HDLBP: variants seen among roughly 807,000 people sequenced by gnomAD.
HDLBP encodes the protein high density lipoprotein binding protein.
HDLBP carries 30 observed loss-of-function variants against 137.3 expected under a neutral mutation model. That is an observed-to-expected ratio of 0.22 (90% CI 0.16 to 0.30). The LOEUF is 0.30. HDLBP is among the 10% of genes least tolerant of loss of function. The pLI, the probability that HDLBP is intolerant of heterozygous loss-of-function variation, is 1.00. For missense variants in HDLBP, 1,119 were observed against 1,667.3 expected (o/e 0.67, Z 5.73); for synonymous variants, 606 against 596.0 (o/e 1.02, Z -0.24).
chr2:241,284,350 A>C (rs2074727220), intron 1 of HDLBP, among the ~76,000 whole-genome samples: 1 of 152,222 alleles, frequency 6.6e-6, no homozygotes, highest in African/African-American at 2.4e-5. Flanking sequence ...AAGCAACTGC[A>C]AGTGTGGTAG....
chr2:241,307,081 G>C (rs377565200), intron 1 of HDLBP, among the ~76,000 whole-genome samples: 1 of 138,444 alleles, frequency 7.2e-6, no homozygotes, highest in South Asian at 2.6e-4. Flanking sequence ...TGGGGGGCGG[G>C]GGGGACAGGG....
chr2:241,247,918 C>T, intron 14 of HDLBP, 85 bp downstream of exon 14: 1 of 912,526 alleles, frequency 1.1e-6, no homozygotes, highest in Non-Finnish European at 1.8e-6. Context: ...AGCAGGGGTC[C>T]TGTGGGGGTC....
chr2:241,264,329 T>G (rs2073474160), intron 4 of HDLBP, 119 bp downstream of exon 4: 2 of 674,292 alleles, frequency 3.0e-6, no homozygotes, highest in South Asian at 4.2e-5. Flanking sequence ...ACCACTGCAC[T>G]CCAGCCTGGG....
chr2:241,237,158 C>T (rs1011228952), intron 20 of HDLBP, among the ~76,000 whole-genome samples: 9 of 152,346 alleles, frequency 5.9e-5, no homozygotes, highest in South Asian at 2.1e-4. Flanking sequence ...TGAGGCTTGA[C>T]TGTGAGGCAG....
intron 1 of HDLBP, among the ~76,000 whole-genome samples, chr2:241,277,519 A>C (rs2074432891): frequency 6.6e-6 from 1 of 152,220 alleles, no homozygotes; most frequent in Non-Finnish European, 1.5e-5. Flanking sequence ...ACTTTGAAAA[A>C]TCATGTAAGA....
At position 241,272,438 on chromosome 2, in the gene HDLBP, C is replaced by T; in HGVS notation, c.-102-3897G>A. The T allele has an allele frequency of 1.0e-5, 10 of 984,658 alleles. No individual in the cohort carries two copies. The highest frequency in any genetic ancestry group is 1.2e-5 in the Non-Finnish European group (10 of 829,674). The allele number at this position is 984,658 out of a possible 1,614,324, so 61.0% of individuals were successfully genotyped here. On this transcript the variant is annotated intron_variant, in intron 1 of 27. Transcript: ENST00000310931. This position sits in a 1 kb window ranked among gnomAD's most constrained non-coding sequence, Gnocchi z 5.6. ...GCCCCACCGAAGCCCCGGGAGGAGG[C>T]GGGGGAGCCCAGCTTGCAGCCAAGA...
At position 241,234,075 on chromosome 2, in the gene HDLBP, C is replaced by T. The variant is rs2149343821; in HGVS notation, c.3145-112G>A. 10 of 1,287,092 alleles carry T rather than the reference C, an allele frequency of 7.8e-6. No homozygotes were observed. The South Asian group carries it at 1.3e-4, about 17-fold the overall frequency. 79.7% of individuals were successfully genotyped at this position (1,287,092 alleles called of 1,614,324 possible). On this transcript the variant is annotated intron_variant, in intron 23 of 27. Coordinates refer to ENST00000310931, the MANE Select transcript of HDLBP (RefSeq NM_005336.6). Reference sequence around the variant, plus strand: ...CTGGAGATGCTGCAGTGTTCTGTAACCCGTGGTCCGGAATGGTCCGCCATC... The same window carrying T: ...CTGGAGATGCTGCAGTGTTCTGTAATCCGTGGTCCGGAATGGTCCGCCATC...
intron 5 of HDLBP, among the ~76,000 whole-genome samples, chr2:241,257,541 T>C (rs1354156259): frequency 6.6e-6 from 1 of 152,128 alleles, no homozygotes; most frequent in Non-Finnish European, 1.5e-5. Context: ...AAAAGATGTG[T>C]TTCTAATAGA....
intron 17 of HDLBP, among the ~76,000 whole-genome samples, chr2:241,242,175 A>T (rs2071303765): frequency 6.6e-6 from 1 of 152,218 alleles, no homozygotes; most frequent in South Asian, 2.1e-4. Context: ...ACTCAACTAT[A>T]CCTGAAGAAT....
intron 5 of HDLBP, among the ~76,000 whole-genome samples, chr2:241,262,179 G>C (rs1041487840): frequency 6.6e-6 from 1 of 152,238 alleles, no homozygotes; most frequent in Non-Finnish European, 1.5e-5. Flanking sequence ...TCAATTTGGG[G>C]CCTGGAAATG....
At chr2:241,242,364 A>G in intron 17 of HDLBP, 96 bp downstream of exon 17, 2 of 1,043,176 alleles carry the variant, frequency 1.9e-6, no homozygotes, top group Non-Finnish European at 2.9e-6. Context: ...CCCGCCACAA[A>G]GGAAGGGCAT....
rs1054362530 is a variant in HDLBP at position 241,305,153 on chromosome 2, G to A, written c.-103+10417C>T. On this transcript the variant is annotated intron_variant, in intron 1 of 27. Transcript: ENST00000310931. ...TTTTTCATTTTTGAGACGGAGTCTC[G>A]CTCTGTCTCTCCCAGGCTAGAGTGC... 5.3e-5 allele frequency among the ~76,000 whole-genome samples: 8 copies of A among 152,232 alleles called. 2 individuals carry two copies. The highest frequency in any genetic ancestry group is 1.9e-4 in the East Asian group (1 of 5,186).
At chr2:241,250,106 T>C in intron 11 of HDLBP, 126 bp from the exon 12 acceptor site, 3 of 943,972 alleles carry the variant, frequency 3.2e-6, no homozygotes, top group South Asian at 1.8e-5. Flanking sequence ...CCAAAAACGA[T>C]GCTTAGCTTC....
In HDLBP at chr2:241,242,574, C is replaced by G; in HGVS notation, c.2055G>C (p.Gly685=). Reference sequence around the variant, plus strand: ...CTTCCACGGGAAAGTGAATGTGGACCCCGCCGCACTCCTCCATGATGGAGC... The same window carrying G: ...CTTCCACGGGAAAGTGAATGTGGACGCCGCCGCACTCCTCCATGATGGAGC... ...LIRSIMEECG[G]VHIHFPVEGS... Residue 685 remains glycine, a synonymous_variant, in exon 17 of 28, where the codon GGG becomes GGC. Coordinates refer to ENST00000310931, the MANE Select transcript of HDLBP (RefSeq NM_005336.6). 6.2e-7 allele frequency: 1 copy of G among 1,614,192 alleles called. No individual in the cohort carries two copies. The highest frequency in any genetic ancestry group is 8.5e-7 in the Non-Finnish European group (1 of 1,180,020).
intron 1 of HDLBP, among the ~76,000 whole-genome samples, chr2:241,311,847 A>T (rs910288297): frequency 3.3e-5 from 5 of 152,262 alleles, no homozygotes; most frequent in African/African-American, 1.2e-4. Context: ...CACTTTGGGC[A>T]GCCATGGATC....
chr2:241,288,330 A>T (rs1261766439), intron 1 of HDLBP, among the ~76,000 whole-genome samples: 2 of 152,224 alleles, frequency 1.3e-5, no homozygotes, highest in Admixed American at 1.3e-4. Context: ...AGAACAAGAT[A>T]CATAAGAGCT....
rs569596289 is a variant in HDLBP at position 241,235,057 on chromosome 2, T to G, written c.3144+64A>C. On this transcript the variant is annotated intron_variant, in intron 23 of 27. Coordinates refer to ENST00000310931, the MANE Select transcript of HDLBP (RefSeq NM_005336.6). ...GGGATCCTGAAGAACTTCCCTAGATTCTGACATGTGCCCAAAGCTGAGCAC... is the reference window on the plus strand; with the variant it reads ...GGGATCCTGAAGAACTTCCCTAGATGCTGACATGTGCCCAAAGCTGAGCAC... 29 of 1,580,806 alleles carry G rather than the reference T, an allele frequency of 1.8e-5. No homozygotes were observed. In the African/African-American group the frequency reaches 2.8e-4, roughly 15 times the overall value.
chr2:241,313,337 T>G (rs1461252368), intron 1 of HDLBP, among the ~76,000 whole-genome samples: 1 of 152,210 alleles, frequency 6.6e-6, no homozygotes, highest in Non-Finnish European at 1.5e-5. Context: ...TAGAGTGCAG[T>G]GCTACAATCT....
At position 241,255,286 on chromosome 2, in the gene HDLBP, C is replaced by A. The variant is rs2072526503; in HGVS notation, c.1080+88G>T. ...CCTGGGCACCTGCACTGTGTCCAGG[C>A]CCCAGGATTTACAAATCGAGAGCTC... On this transcript the variant is annotated intron_variant, in intron 8 of 27. Coordinates refer to ENST00000310931, the MANE Select transcript of HDLBP (RefSeq NM_005336.6). 3.5e-6 allele frequency: 5 copies of A among 1,428,270 alleles called. No individual in the cohort carries two copies. The East Asian group carries it at 9.1e-5, about 26-fold the overall frequency. The allele number at this position is 1,428,270 out of a possible 1,614,324, so 88.5% of individuals were successfully genotyped here. A position where few individuals can be genotyped will look rare whatever the true frequency, so the allele number is the denominator to read the frequency against.
Sources: gnomAD v4.1 joint callset for allele counts (sites outside exome capture counted in the v4.1 genomes callset) on GRCh38, gnomAD v4.1.1 for gene constraint, Gnocchi (gnomAD v3.1) non-coding constraint, MANE v1.5 for transcripts, NCBI Gene and HGNC (gene_info 2026-07-23, HGNC 2026-07-21) for gene names.